SMG1: variants seen among roughly 807,000 people sequenced by gnomAD.
SMG1 encodes serine/threonine-protein kinase SMG1.
In SMG1, 22 loss-of-function variants were observed where a neutral mutation model predicts 419.9. That is an observed-to-expected ratio of 0.05 (90% CI 0.04 to 0.07). The LOEUF is 0.07. Ranked by LOEUF, SMG1 falls within the 10% of genes least tolerant of loss-of-function variation. The pLI is 1.00. For missense variants in SMG1, 3,185 were observed against 4,342.0 expected (o/e 0.73, Z 7.49); for synonymous variants, 1,538 against 1,553.5 (o/e 0.99, Z 0.23).
Position 18,809,537 on chromosome 16 carries a change from CG to C in SMG1, c.*31del, listed in dbSNP as rs2031172318. Reference sequence around the variant, plus strand: ...GTTGATTCTGGTGGATGTCTGACCTCGCTTAACCAGACTCATCTACTGTCTT... The same window carrying C: ...GTTGATTCTGGTGGATGTCTGACCTCCTTAACCAGACTCATCTACTGTCTT... On this transcript the variant is annotated 3_prime_UTR_variant, in exon 63 of 63. Coordinates refer to ENST00000446231, the MANE Select transcript of SMG1 (RefSeq NM_015092.5). 1 of 1,552,466 alleles carries C rather than the reference CG, an allele frequency of 6.4e-7. No homozygotes were observed. The highest frequency in any genetic ancestry group is 1.4e-5 in the African/African-American group (1 of 73,770).
rs950150972 is a variant in SMG1, at chr16:18,904,761, C to A, written c.93-7805G>T. ...ACCAGCCTCGCCAATGTAGTGAAAC[C>A]CCGTCTCAACTAAAAATACAAATAT... is the stretch of plus-strand genomic sequence containing the variant. On this transcript the variant is annotated intron_variant, in intron 1 of 62. Coordinates refer to ENST00000446231, the MANE Select transcript of SMG1 (RefSeq NM_015092.5). Among the ~76,000 whole-genome samples, 8 of 151,384 alleles carry A rather than the reference C, an allele frequency of 5.3e-5. No homozygotes were observed. In the South Asian group the frequency reaches 1.5e-3, roughly 28 times the overall value.
At position 18,870,085 on chromosome 16, in the gene SMG1, T is replaced by C. The variant is rs1286627774; in HGVS notation, c.2493-91A>G. 4.3e-6 allele frequency: 3 copies of C among 692,480 alleles called. No individual in the cohort carries two copies. The Admixed American group carries it at 8.9e-5, about 21-fold the overall frequency. 42.9% of individuals were successfully genotyped at this position (692,480 alleles called of 1,614,324 possible). On this transcript the variant is annotated intron_variant, in intron 18 of 62. Coordinates refer to ENST00000446231, the MANE Select transcript of SMG1 (RefSeq NM_015092.5). Reference sequence around the variant, plus strand: ...GTGGATTATTTACTTATTAACTCACTGGAGGTAAAAATATAGTAAAATTGA... The same window carrying C: ...GTGGATTATTTACTTATTAACTCACCGGAGGTAAAAATATAGTAAAATTGA...
chr16:18,881,628 C>T (rs1021649062), intron 10 of SMG1, among the ~76,000 whole-genome samples: 4 of 152,106 alleles, frequency 2.6e-5, no homozygotes, highest in African/African-American at 9.7e-5. Context: ...TTCCACTGAA[C>T]CCTCATTGGA....
At chr16:18,812,684 AC>A (rs2031575440) in intron 60 of SMG1, among the ~76,000 whole-genome samples, 1 of 151,790 alleles carries the variant, frequency 6.6e-6, no homozygotes, top group Non-Finnish European at 1.5e-5. Context: ...ACACACATTT[AC>A]TATACTTCAG....
rs763085625 is a variant in SMG1 at position 18,817,266 on chromosome 16, CAA to C, written c.10074+23_10074+24del. The C allele has an allele frequency of 3.2e-6, 5 of 1,574,716 alleles. No individual in the cohort carries two copies. In the East Asian group the frequency reaches 1.1e-4, roughly 36 times the overall value. On this transcript the variant is annotated intron_variant, in intron 57 of 62. Transcript: ENST00000446231. Reference sequence around the variant, plus strand: ...TAGTATAACACTAGCCTTATTTAATCAAGTTTCTTTCCACCAAGACTCACCAC... The same window carrying C: ...TAGTATAACACTAGCCTTATTTAATCGTTTCTTTCCACCAAGACTCACCAC...
At chr16:18,903,314 T>G (rs1342284926) in intron 1 of SMG1, among the ~76,000 whole-genome samples, 7 of 152,206 alleles carry the variant, frequency 4.6e-5, no homozygotes, top group Non-Finnish European at 8.8e-5. Flanking sequence ...TTGTTTTACA[T>G]GCATAATTGT....
chr16:18,861,003 A>G (rs2035187012), intron 25 of SMG1: 1 of 420,284 alleles, frequency 2.4e-6, no homozygotes, highest in Admixed American at 4.1e-5. Context: ...TCACAGCTAC[A>G]GACTTTCAGT....
chr16:18,849,658 C>A (rs2141373419), intron 35 of SMG1, among the ~76,000 whole-genome samples: 1 of 152,220 alleles, frequency 6.6e-6, no homozygotes, highest in African/African-American at 2.4e-5. Context: ...ACAAACAAGG[C>A]AGGCACAGAC....
intron 1 of SMG1, among the ~76,000 whole-genome samples, chr16:18,914,748 AGT>A (rs1244302032): frequency 6.6e-6 from 1 of 152,106 alleles, no homozygotes. Context: ...ACTGACAAGA[AGT>A]GTGTTTCCCC....
chr16:18,809,344 T>A lies in SMG1; in HGVS notation c.*225A>T, dbSNP rs2031152686. ...TGTTCAGGCGGTGAGCTTGCTTTCC[T>A]TCACCCTTGACCCTGGGGTTGCAGG... On this transcript the variant is annotated 3_prime_UTR_variant, in exon 63 of 63. Transcript: ENST00000446231. 1.9e-6 allele frequency: 1 copy of A among 523,452 alleles called. No homozygotes were observed. The highest frequency in any genetic ancestry group is 3.1e-5 in the East Asian group (1 of 31,942). The allele number at this position is 523,452 out of a possible 1,614,324, so 32.4% of individuals were successfully genotyped here.
At position 18,847,979 on chromosome 16, in the gene SMG1, T is replaced by C. The variant is rs1226193090; in HGVS notation, c.5678A>G (p.Glu1893Gly). The change falls in exon 37 of 63, where the codon GAA becomes GGA. Residue 1893 changes from glutamate (E) to glycine (G), a missense_variant. Glu to Gly is a moderately conservative substitution (Grantham distance 98). Transcript: ENST00000446231. ...TCCCTCACATTCAGAAACCAGCAATTCTTCTCCTTGAATATTGCCAAGTAA... is the reference window on the plus strand; with the variant it reads ...TCCCTCACATTCAGAAACCAGCAATCCTTCTCCTTGAATATTGCCAAGTAA... ...PTLLGNIQGE[E>G]LLVSECEGGS... 1.2e-6 allele frequency: 2 copies of C among 1,613,994 alleles called. No homozygotes were observed. Among genetic ancestry groups the C allele is most frequent in the Non-Finnish European group, 1.7e-6 (2 of 1,179,868 alleles).
At chr16:18,891,397 AGACC>A (rs2036870056) in intron 4 of SMG1, among the ~76,000 whole-genome samples, 2 of 151,780 alleles carry the variant, frequency 1.3e-5, no homozygotes, top group Non-Finnish European at 2.9e-5. Flanking sequence ...CTGCCTCACT[AGACC>A]ATTTTCATTA....
At chr16:18,845,165 T>G (rs145391089) in intron 39 of SMG1, among the ~76,000 whole-genome samples, 1 of 152,358 alleles carries the variant, frequency 6.6e-6, no homozygotes, top group East Asian at 1.9e-4. Context: ...GGCTAATTTC[T>G]TCATCTGTTG....
In SMG1 at chr16:18,847,446, A is replaced by AACAT. The variant is rs1238032725; in HGVS notation, c.5996+3_5996+6dup. On this transcript the variant is annotated splice_region_variant and intron_variant, in intron 38 of 62. Transcript: ENST00000446231. ...CACTGTCTCAGGACAAGTGTATGGA[A>AACAT]ACATACTTGCGTAAGGTGTTGTTGT... 1 of 1,613,716 alleles carries AACAT rather than the reference A, an allele frequency of 6.2e-7. No individual in the cohort carries two copies. The highest frequency in any genetic ancestry group is 1.3e-5 in the African/African-American group (1 of 74,944).
chr16:18,830,604 A>G (rs989309793), intron 51 of SMG1, among the ~76,000 whole-genome samples: 1 of 152,138 alleles, frequency 6.6e-6, no homozygotes, highest in Admixed American at 6.6e-5. Flanking sequence ...CCTGACCAAC[A>G]TGGAGAAACC....
In SMG1 at chr16:18,904,286, A is replaced by G. The variant is rs2037469003; in HGVS notation, c.93-7330T>C. ...CTCCCATTTTACTACTGCTTATCACATCATCAACATATGAGCACTCTCAAA... is the reference window on the plus strand; with the variant it reads ...CTCCCATTTTACTACTGCTTATCACGTCATCAACATATGAGCACTCTCAAA... On this transcript the variant is annotated intron_variant, in intron 1 of 62. Transcript: ENST00000446231. Among the ~76,000 whole-genome samples, 5 of 151,446 alleles carry G rather than the reference A, an allele frequency of 3.3e-5. No individual in the cohort carries two copies. In the South Asian group the frequency reaches 8.4e-4, roughly 25 times the overall value.
intron 3 of SMG1, 141 bp from the exon 4 acceptor site, chr16:18,892,495 G>A (rs557945051): frequency 1.9e-5 from 12 of 623,560 alleles, no homozygotes; most frequent in South Asian, 1.2e-4. Flanking sequence ...TTTGGAAGGC[G>A]GGTAGATCAC....
At chr16:18,860,935 T>A (rs1276569820) in intron 25 of SMG1, 159 bp from the exon 26 acceptor site, 1 of 515,368 alleles carries the variant, frequency 1.9e-6, no homozygotes, top group Non-Finnish European at 3.4e-6. Flanking sequence ...TTGGTTTTTA[T>A]GTTGAAGATG....
chr16:18,882,309 T>G lies in SMG1; in HGVS notation c.1149A>C (p.Ser383=), dbSNP rs1303584752. 10 of 1,608,986 alleles carry G rather than the reference T, an allele frequency of 6.2e-6. No individual in the cohort carries two copies. The highest frequency in any genetic ancestry group is 7.6e-6 in the Non-Finnish European group (9 of 1,178,320). Residue 383 remains serine, a synonymous_variant, in exon 10 of 63, where the codon TCA becomes TCC. Transcript: ENST00000446231. ...ATGGAGGAGGGACATCTTCATCCAC[T>G]GATTCCCCAGAGGCCACATGGCTGA... ...EDLSHVASGE[S]VDEDVPPPSV...
Sources: allele counts gnomAD v4.1 joint callset (sites outside exome capture counted in the v4.1 genomes callset), GRCh38; gene constraint gnomAD v4.1.1; transcripts MANE v1.5; gene names NCBI Gene and HGNC (gene_info 2026-07-23, HGNC 2026-07-21).